CERT1: variants seen among roughly 807,000 people sequenced by gnomAD.
CERT1 encodes ceramide transporter 1, also known as ceramide transfer protein.
In CERT1, 31 loss-of-function variants were observed where a neutral mutation model predicts 87.9. The observed-to-expected ratio is 0.35, with a 90% CI of 0.27 to 0.48. CERT1 has a LOEUF of 0.48. Ranked by LOEUF, CERT1 falls within the 20% of genes least tolerant of loss-of-function variation. The pLI, the probability that CERT1 is intolerant of heterozygous loss-of-function variation, is 0.99. For missense variants in CERT1, 487 were observed against 758.0 expected, an observed-to-expected ratio of 0.64 and a Z score of 4.20; for synonymous variants, 289 against 250.9, an observed-to-expected ratio of 1.15 and a Z score of -1.44.
At chr5:75,395,894 AAC>A (rs1762232529) in intron 11 of CERT1, among the ~76,000 whole-genome samples, 1 of 152,006 alleles carries the variant, frequency 6.6e-6, no homozygotes, top group Non-Finnish European at 1.5e-5. Flanking sequence ...CAACAACAAC[AAC>A]AACAACAACA....
chr5:75,434,640 G>GT (rs1016576077), intron 3 of CERT1, among the ~76,000 whole-genome samples: 2,809 of 143,692 alleles, frequency 0.02, 84 homozygotes, highest in African/African-American at 0.064. Context: ...TGATTGGTAG[G>GT]TTTTTTTTTT....
At chr5:75,458,696 T>C (rs1765103512) in intron 3 of CERT1, among the ~76,000 whole-genome samples, 1 of 151,956 alleles carries the variant, frequency 6.6e-6, no homozygotes, top group Non-Finnish European at 1.5e-5. Context: ...GGATTACAGG[T>C]GCTCACCACT....
chr5:75,403,827 C>T (rs961973012), intron 8 of CERT1, among the ~76,000 whole-genome samples: 5 of 152,150 alleles, frequency 3.3e-5, no homozygotes, highest in African/African-American at 1.2e-4. Context: ...TCAGTGGAAC[C>T]TTGGAATATA....
chr5:75,421,482 C>A (rs1333162875), intron 5 of CERT1, among the ~76,000 whole-genome samples: 1 of 152,158 alleles, frequency 6.6e-6, no homozygotes, highest in East Asian at 1.9e-4. Flanking sequence ...TCTCAATATT[C>A]AATTCTTTTT....
In CERT1 at chr5:75,501,386, A is replaced by T. The variant is rs188595561; in HGVS notation, c.231+4596T>A. 4.5e-3 allele frequency among the ~76,000 whole-genome samples: 692 copies of T among 152,320 alleles called. 7 individuals carry two copies. The highest frequency in any genetic ancestry group is 0.016 in the African/African-American group (659 of 41,572). On this transcript the variant is annotated intron_variant, in intron 2 of 16. Transcript: ENST00000643780. ...CCTAAAACCAACCTATGATAAGAAT[A>T]ATAGGAATTCTACTCATCTGGTGAT... is the stretch of plus-strand genomic sequence containing the variant.
chr5:75,382,983 A>G (rs977715645), intron 14 of CERT1, among the ~76,000 whole-genome samples: 3 of 152,138 alleles, frequency 2.0e-5, no homozygotes, highest in East Asian at 3.8e-4. Flanking sequence ...TCAAGAGACC[A>G]GTAGCCCTCT....
Position 75,400,249 on chromosome 5 carries a change from C to T in CERT1, c.1066G>A (p.Gly356Arg). ...GTCCCCACAGAAGAAAAGGCATCTC[C>T]AGAGGGCAAGGATGTAGGCCAATGT... ...RLHWPTSLPS[G>R]DAFSSVGTHR... Residue 356 changes from glycine (G) to arginine (R), a missense_variant, in exon 10 of 17, where the codon GGA (glycine) becomes AGA (arginine). By Grantham distance (125) the Gly-to-Arg change is moderately radical (BLOSUM62 -2). Transcript: ENST00000643780. 1 of 1,613,828 alleles carries T rather than the reference C, an allele frequency of 6.2e-7. No individual in the cohort carries two copies. Among genetic ancestry groups the T allele is most frequent in the South Asian group, 1.1e-5 (1 of 91,064 alleles).
At chr5:75,428,325 T>G (rs1763709348) in intron 3 of CERT1, among the ~76,000 whole-genome samples, 1 of 151,974 alleles carries the variant, frequency 6.6e-6, no homozygotes, top group Admixed American at 6.6e-5. Flanking sequence ...ACGTGCAATT[T>G]GCAATAAAAT....
downstream of CERT1, chr5:75,377,557 C>A (rs1161400858): frequency 1.3e-5 from 2 of 152,144 alleles, no homozygotes; most frequent in Non-Finnish European, 2.9e-5. Flanking sequence ...AAGCTCCTTA[C>A]AAATATGTGA....
chr5:75,485,316 A>AAAAAAAAAAAAAAAAAAAAAAG (rs1766466708), intron 2 of CERT1, among the ~76,000 whole-genome samples: 1 of 146,492 alleles, frequency 6.8e-6, no homozygotes, highest in Non-Finnish European at 1.5e-5. Context: ...AAAATACAAA[A>AAAAAAAAAAAAAAAAAAAAAAG]AAAAAAAAAA....
At chr5:75,462,938 A>C (rs1765299570) in intron 2 of CERT1, among the ~76,000 whole-genome samples, 1 of 148,878 alleles carries the variant, frequency 6.7e-6, no homozygotes, top group Admixed American at 6.7e-5. Context: ...GTTGCAGTGA[A>C]CCAAGATGGC....
chr5:75,390,938 A>C (rs1762004981), intron 11 of CERT1, among the ~76,000 whole-genome samples: 2 of 151,626 alleles, frequency 1.3e-5, no homozygotes, highest in South Asian at 4.2e-4. Flanking sequence ...TAAGTAGCTA[A>C]AACTATATGC....
At chr5:75,404,033 C>T (rs1762606163) in intron 8 of CERT1, among the ~76,000 whole-genome samples, 1 of 152,094 alleles carries the variant, frequency 6.6e-6, no homozygotes, top group African/African-American at 2.4e-5. Flanking sequence ...TTTAGCATTT[C>T]TTAAATGTTA....
At chr5:75,398,515 A>C (rs1377730669) in intron 11 of CERT1, among the ~76,000 whole-genome samples, 1 of 152,162 alleles carries the variant, frequency 6.6e-6, no homozygotes, top group African/African-American at 2.4e-5. Context: ...TCAGGTCTTT[A>C]ATATAAGATT....
At chr5:75,407,849 A>G (rs563591781) in intron 8 of CERT1, among the ~76,000 whole-genome samples, 1 of 149,222 alleles carries the variant, frequency 6.7e-6, no homozygotes, top group African/African-American at 2.5e-5. Flanking sequence ...AAAATAATGA[A>G]GGAATTCTTT....
chr5:75,464,007 G>A (rs182367550), intron 2 of CERT1, among the ~76,000 whole-genome samples: 2 of 152,136 alleles, frequency 1.3e-5, no homozygotes, highest in Non-Finnish European at 2.9e-5. Context: ...GGCTTCCTGA[G>A]AAAGGAATTC....
intron 2 of CERT1, among the ~76,000 whole-genome samples, chr5:75,488,078 G>A (rs1438027908): frequency 6.6e-6 from 1 of 151,952 alleles, no homozygotes; most frequent in African/African-American, 2.4e-5. Context: ...GGGAGGGAGT[G>A]TGGAGGGTTA....
intron 2 of CERT1, among the ~76,000 whole-genome samples, chr5:75,472,919 A>G (rs1352645452): frequency 6.6e-6 from 1 of 152,230 alleles, no homozygotes; most frequent in Non-Finnish European, 1.5e-5. Flanking sequence ...GTATATATCT[A>G]AAGTAAATAA....
intron 3 of CERT1, among the ~76,000 whole-genome samples, chr5:75,449,517 T>C (rs989656649): frequency 9.2e-5 from 14 of 152,324 alleles, no homozygotes; most frequent in African/African-American, 3.1e-4. Flanking sequence ...TTAAAATGAA[T>C]GGACCTATGA....
Sources: gnomAD v4.1 joint callset for allele counts (sites outside exome capture counted in the v4.1 genomes callset) on GRCh38, gnomAD v4.1.1 for gene constraint, MANE v1.5 for transcripts, NCBI Gene and HGNC (gene_info 2026-07-23, HGNC 2026-07-21) for gene names.